SPEG: variants seen among roughly 807,000 people sequenced by gnomAD.
The protein encoded by SPEG is striated muscle enriched protein kinase.
SPEG carries 114 observed loss-of-function variants against 300.4 expected under a neutral mutation model. The ratio of observed to expected loss-of-function variants is 0.38; its 90% CI spans 0.33 to 0.44. SPEG has a LOEUF of 0.44. Among genes scored for constraint, SPEG ranks in the 20% least tolerant of loss-of-function variants. The pLI, the probability that SPEG is intolerant of heterozygous loss-of-function variation, is 1.00. For missense variants in SPEG, 4,201 were observed against 4,586.2 expected (o/e 0.92, Z 2.43); for synonymous variants, 1,964 against 2,018.9 (o/e 0.97, Z 0.73).
chr2:219,491,488 T>C (rs771396077), intron 38 of SPEG, among the ~76,000 whole-genome samples: 1 of 152,174 alleles, frequency 6.6e-6, no homozygotes, highest in Non-Finnish European at 1.5e-5. Context: ...GCCACACTCT[T>C]TGTGAATGGG....
At position 219,485,466 on chromosome 2, in the gene SPEG, G is replaced by T. The variant is rs1246761131; in HGVS notation, c.7730G>T (p.Arg2577Leu). ...VQEELGHQYV[R>L]SESDFPPVFH... ...GAGGAGTTGGGTCACCAGTACGTGC[G>T]CAGTGAGTCAGGTAATAAGAGGCCT... The change falls in exon 31 of 41, where the codon CGC (arginine) becomes CTC (leucine). Residue 2577 changes from arginine (R) to leucine (L), a missense_variant. Arg to Leu is a moderately radical substitution (Grantham distance 102). This residue lies in a region of SPEG where 1,578 missense variants were observed against 1,506.0 expected (regional missense o/e 1.05). Coordinates refer to ENST00000312358, the MANE Select transcript of SPEG (RefSeq NM_005876.5). 4 of 1,587,370 alleles carry T rather than the reference G, an allele frequency of 2.5e-6. No individual in the cohort carries two copies. The highest frequency in any genetic ancestry group is 1.1e-5 in the South Asian group (1 of 88,440).
Position 219,445,793 on chromosome 2 carries a change from A to C in SPEG, c.815+632A>C. On this transcript the variant is annotated intron_variant, in intron 3 of 40. Transcript: ENST00000312358. This position sits in a 1 kb window ranked among gnomAD's most constrained non-coding sequence, Gnocchi z 6.1. The stretch of plus-strand genomic sequence containing the variant: ...GGGGCTGGAAATGGGGCCAGGCCAG[A>C]GGGAGAGGGCGGGAGTGATGGTGGC... 6.3e-6 allele frequency: 1 copy of C among 157,980 alleles called. No homozygotes were observed. 9.8% of individuals were successfully genotyped at this position (157,980 alleles called of 1,614,324 possible).
chr2:219,466,864 C>A lies in SPEG; in HGVS notation c.2882-310C>A, dbSNP rs1408246238. ...CAAATAAAGTCCAGTTTGTACCTAT[C>A]TGGTGTGTTGTGTTTTTTTTTCCCC... On this transcript the variant is annotated intron_variant, in intron 9 of 40. Coordinates refer to ENST00000312358, the MANE Select transcript of SPEG (RefSeq NM_005876.5). 4 of 1,156,688 alleles carry A rather than the reference C, an allele frequency of 3.5e-6. No homozygotes were observed. The East Asian group carries it at 1.6e-4, about 47-fold the overall frequency. 71.7% of individuals were successfully genotyped at this position (1,156,688 alleles called of 1,614,324 possible). A position where few individuals can be genotyped will look rare whatever the true frequency, so the allele number is the denominator to read the frequency against.
intron 6 of SPEG, among the ~76,000 whole-genome samples, chr2:219,454,731 C>CCACAGGGCCT (rs1690041786): frequency 6.6e-6 from 1 of 152,160 alleles, no homozygotes; most frequent in Admixed American, 6.5e-5. Context: ...TTTTCAGCAA[C>CCACAGGGCCT]AACTGATTTA....
Position 219,443,258 on chromosome 2 carries a change from A to G in SPEG, c.389-1395A>G. The G allele has an allele frequency of 2.7e-6, 3 of 1,110,110 alleles. No homozygotes were observed. Among genetic ancestry groups the G allele is most frequent in the East Asian group, 2.4e-5 (1 of 42,536 alleles). The allele number at this position is 1,110,110 out of a possible 1,614,324, so 68.8% of individuals were successfully genotyped here. On this transcript the variant is annotated intron_variant, in intron 1 of 40. Transcript: ENST00000312358. The surrounding 1 kb of genome is among the most constrained non-coding windows in gnomAD (Gnocchi z 4.6). ...CTGAAGACAGCCCATGAGATGTGGA[A>G]CCCTCCCACTCACCCCCACACTTAT...
chr2:219,484,205 A>T lies in SPEG; in HGVS notation c.6742A>T (p.Ile2248Phe). 2 of 1,611,978 alleles carry T rather than the reference A, an allele frequency of 1.2e-6. No homozygotes were observed. Among genetic ancestry groups the T allele is most frequent in the Non-Finnish European group, 1.7e-6 (2 of 1,179,672 alleles). ...LALPLTPYAQ[I>F]IQSLQLSGHA... is the part of the protein sequence containing the mutation. ...GCTGCCCCTCACACCCTATGCTCAG[A>T]TCATTCAGTCCCTCCAGCTGTCAGG... The change falls in exon 30 of 41, where the codon ATC (isoleucine) becomes TTC (phenylalanine). Residue 2248 changes from isoleucine (I) to phenylalanine (F), a missense_variant. Around this residue, in one of 4 missense-constraint regions of SPEG, gnomAD observed 1,578 missense variants for 1,506.0 expected, o/e 1.05. Transcript: ENST00000312358.
chr2:219,471,785 G>C (rs764385035), intron 13 of SPEG, 83 bp from the exon 14 acceptor site: 9 of 1,563,116 alleles, frequency 5.8e-6, no homozygotes, highest in Non-Finnish European at 7.0e-6. Context: ...TGGGGGTGAG[G>C]GACCAGGCCC....
In SPEG at chr2:219,435,233, C is replaced by A; in HGVS notation, c.256C>A (p.Pro86Thr). 6.8e-7 allele frequency: 1 copy of A among 1,476,574 alleles called. No homozygotes were observed. The highest frequency in any genetic ancestry group is 8.9e-7 in the Non-Finnish European group (1 of 1,123,840). 91.5% of individuals were successfully genotyped at this position (1,476,574 alleles called of 1,614,324 possible). The change falls in exon 1 of 41, where the codon CCG (proline) becomes ACG (threonine). Residue 86 changes from proline to threonine, a missense_variant. Pro to Thr is a conservative substitution (Grantham distance 38). This residue lies in a region of SPEG where 1,258 missense variants were observed against 1,293.9 expected (regional missense o/e 0.97). Coordinates refer to ENST00000312358, the MANE Select transcript of SPEG (RefSeq NM_005876.5). ...CCGGGATGGGCAGCTCCTGCCCGCG[C>A]CGGCCCCCGAGCCCAGCTGCCTGTG... ...WFRDGQLLPA[P>T]APEPSCLWLR... is the part of the protein sequence containing the mutation.
At position 219,461,907 on chromosome 2, in the gene SPEG, C is replaced by T. The variant is rs1389253825; in HGVS notation, c.2466C>T (p.Ser822=). The change falls in exon 7 of 41, where the codon AGC becomes AGT. Residue 822 remains serine (S), a synonymous_variant. Transcript: ENST00000312358. ...GTGGGTCTACATCCCCTTTCAGCAGCCCCATCACCTCCGACGAGGAATACC... is the reference window on the plus strand; with the variant it reads ...GTGGGTCTACATCCCCTTTCAGCAGTCCCATCACCTCCGACGAGGAATACC... ...RPGGSTSPFS[S]PITSDEEYLS... is the part of the protein sequence containing the mutation. The T allele has an allele frequency of 9.3e-6, 15 of 1,613,826 alleles. No homozygotes were observed. The Admixed American group carries it at 2.5e-4, about 27-fold the overall frequency.
In SPEG at chr2:219,489,786, A is replaced by T. The variant is rs1188869161; in HGVS notation, c.8768A>T (p.Glu2923Val). 2.5e-6 allele frequency: 4 copies of T among 1,613,426 alleles called. No individual in the cohort carries two copies. In the Admixed American group the frequency reaches 6.7e-5, roughly 27 times the overall value. ...PEPPAPEPPPEPTKVTVQSLS... is the reference protein window; with the variant it reads ...PEPPAPEPPPVPTKVTVQSLS... Reference sequence around the variant, plus strand: ...CCCCCAGCCCCTGAGCCCCCTCCTGAGCCTACCAAGGTGACTGTGCAGAGC... The same window carrying T: ...CCCCCAGCCCCTGAGCCCCCTCCTGTGCCTACCAAGGTGACTGTGCAGAGC... Residue 2923 changes from glutamate (E) to valine (V), a missense_variant, in exon 36 of 41, where the codon GAG (glutamate) becomes GTG (valine). Glu to Val is a moderately radical substitution (Grantham distance 121). This residue lies in a region of SPEG where 1,578 missense variants were observed against 1,506.0 expected (regional missense o/e 1.05). Transcript: ENST00000312358.
chr2:219,485,987 G>A (rs1693382174), intron 31 of SPEG, among the ~76,000 whole-genome samples: 1 of 152,218 alleles, frequency 6.6e-6, no homozygotes, highest in Non-Finnish European at 1.5e-5. Flanking sequence ...TTAGATGTGT[G>A]TGTGCTTGGG....
chr2:219,443,986 C>G lies in SPEG; in HGVS notation c.389-667C>G. 7.4e-7 allele frequency: 1 copy of G among 1,358,584 alleles called. No individual in the cohort carries two copies. Among genetic ancestry groups the G allele is most frequent in the Non-Finnish European group, 9.8e-7 (1 of 1,017,590 alleles). The allele number at this position is 1,358,584 out of a possible 1,614,324, so 84.2% of individuals were successfully genotyped here. ...CCCTGCCCCACAAACGCTCTGATAA[C>G]AGTCTGTCCCTGTCTCTCTCCTGCT... On this transcript the variant is annotated intron_variant, in intron 1 of 40. Transcript: ENST00000312358. This position sits in a 1 kb window ranked among gnomAD's most constrained non-coding sequence, Gnocchi z 4.6.
Position 219,448,524 on chromosome 2 carries a change from G to T in SPEG, c.1366G>T (p.Glu456Ter). Residue 456 changes from glutamate (E) to a stop codon, truncating the protein, a stop_gained, in exon 4 of 41, where the codon GAA becomes TAA. Coordinates refer to ENST00000312358, the MANE Select transcript of SPEG (RefSeq NM_005876.5). LOFTEE classifies it high-confidence loss of function. ...GGGCACCCCCGGGGCCTCGCAGGAAGAACTGCGGGCGCCAGGCAGCGTGGC... is the reference window on the plus strand; with the variant it reads ...GGGCACCCCCGGGGCCTCGCAGGAATAACTGCGGGCGCCAGGCAGCGTGGC... ...PWGTPGASQE[E>*]LRAPGSVAER... 1 of 1,446,644 alleles carries T rather than the reference G, an allele frequency of 6.9e-7. No individual in the cohort carries two copies. Among genetic ancestry groups the T allele is most frequent in the South Asian group, 1.4e-5 (1 of 72,122 alleles). 89.6% of individuals were successfully genotyped at this position (1,446,644 alleles called of 1,614,324 possible). A position where few individuals can be genotyped will look rare whatever the true frequency, so the allele number is the denominator to read the frequency against.
Position 219,477,042 on chromosome 2 carries a change from G to C in SPEG, c.4560+60G>C, listed in dbSNP as rs188068067. On this transcript the variant is annotated intron_variant, in intron 19 of 40. Transcript: ENST00000312358. This position sits in a 1 kb window ranked among gnomAD's most constrained non-coding sequence, Gnocchi z 6.4. Reference sequence around the variant, plus strand: ...GAGGAGGGGCTCCCTGGGGGCGTGGGAGGGTCCTGGAAGGCCTTAGGAGGG... The same window carrying C: ...GAGGAGGGGCTCCCTGGGGGCGTGGCAGGGTCCTGGAAGGCCTTAGGAGGG... 9.1e-4 allele frequency: 1,314 copies of C among 1,450,520 alleles called. 11 individuals are homozygous for C. The African/African-American group carries it at 0.016, about 17-fold the overall frequency. The allele number at this position is 1,450,520 out of a possible 1,614,324, so 89.9% of individuals were successfully genotyped here. A position where few individuals can be genotyped will look rare whatever the true frequency, so the allele number is the denominator to read the frequency against.
intron 3 of SPEG, among the ~76,000 whole-genome samples, chr2:219,446,060 G>A (rs550931380): frequency 2.2e-4 from 33 of 151,718 alleles, no homozygotes; most frequent in Non-Finnish European, 2.9e-4. Flanking sequence ...GTATGGGTGT[G>A]GGGGCAGCTA....
chr2:219,465,976 T>C lies in SPEG; in HGVS notation c.2882-1198T>C, dbSNP rs919584707. ...ATGTGTGCGTGTGCATGCGTGTGTG[T>C]GCATGTGTGTGTGTGCGCGTGCGTG... On this transcript the variant is annotated intron_variant, in intron 9 of 40. Transcript: ENST00000312358. 36 of 1,231,864 alleles carry C rather than the reference T, an allele frequency of 2.9e-5. No homozygotes were observed. In the African/African-American group the frequency reaches 3.8e-4, roughly 13 times the overall value. 76.3% of individuals were successfully genotyped at this position (1,231,864 alleles called of 1,614,324 possible).
At position 219,459,640 on chromosome 2, in the gene SPEG, G is replaced by A. The variant is rs769056898; in HGVS notation, c.2441-2242G>A. On this transcript the variant is annotated intron_variant, in intron 6 of 40. Transcript: ENST00000312358. The surrounding 1 kb of genome is among the most constrained non-coding windows in gnomAD (Gnocchi z 4.9). ...CCATCTGGCCTTCAGCTCTGCTTCCGTTCCCAGTCCCTGGGCCCGTGAGCC... is the reference window on the plus strand; with the variant it reads ...CCATCTGGCCTTCAGCTCTGCTTCCATTCCCAGTCCCTGGGCCCGTGAGCC... Among the ~76,000 whole-genome samples the A allele has an allele frequency of 6.6e-6, 1 of 152,136 alleles. No individual in the cohort carries two copies. The highest frequency in any genetic ancestry group is 2.4e-5 in the African/African-American group (1 of 41,424).
At position 219,483,245 on chromosome 2, in the gene SPEG, G is replaced by A; in HGVS notation, c.5782G>A (p.Glu1928Lys). The A allele has an allele frequency of 6.2e-7, 1 of 1,610,634 alleles. No homozygotes were observed. The highest frequency in any genetic ancestry group is 1.1e-5 in the South Asian group (1 of 90,612). Residue 1928 changes from glutamate to lysine, a missense_variant, in exon 30 of 41, where the codon GAG (glutamate) becomes AAG (lysine). Glu to Lys is a moderately conservative substitution (Grantham distance 56). Transcript: ENST00000312358. ...ATCCTCCTCGGATTCTGAAGAGGAA[G>A]AGCTGGAAGAGCTGCCCTCAGTGCC... ...LSSSSDSEEEELEELPSVPRP... is the reference protein window; with the variant it reads ...LSSSSDSEEEKLEELPSVPRP...
intron 38 of SPEG, 128 bp from the exon 39 acceptor site, chr2:219,491,666 C>T: frequency 1.4e-6 from 1 of 738,694 alleles, no homozygotes; most frequent in Non-Finnish European, 2.3e-6. Context: ...CAGGGCCTGC[C>T]ACTCTGGACA....
Sources: gnomAD v4.1 joint callset for allele counts (sites outside exome capture counted in the v4.1 genomes callset) on GRCh38, gnomAD v4.1.1 for gene constraint, gnomAD v4.1.1 regional missense constraint, Gnocchi (gnomAD v3.1) non-coding constraint, MANE v1.5 for transcripts, NCBI Gene and HGNC (gene_info 2026-07-23, HGNC 2026-07-21) for gene names.